Variants in SYTL2 observed in about 807,000 individuals in gnomAD.
SYTL2 encodes the protein synaptotagmin-like protein 2.
A neutral mutation model predicts 198.7 loss-of-function variants in SYTL2; 165 were observed. The observed-to-expected ratio is 0.83, with a 90% confidence interval of 0.73 to 0.94. The LOEUF is 0.94. SYTL2 is among the 40% of genes least tolerant of loss of function. The probability of loss-of-function intolerance (pLI) is 0.00; values close to 1 mark genes in which losing one functional copy is unlikely to be tolerated. For synonymous variants in SYTL2, 966 were observed against 917.7 expected, an observed-to-expected ratio of 1.05 and a Z score of -0.95; for missense variants, 2,835 against 2,582.8, an observed-to-expected ratio of 1.10 and a Z score of -2.12.
At chr11:85,779,052 A>G (rs1485596935) in intron 1 of SYTL2, among the ~76,000 whole-genome samples, 1 of 152,062 alleles carries the variant, frequency 6.6e-6, no homozygotes, top group Non-Finnish European at 1.5e-5. Context: ...TACTATATAT[A>G]TTATATAACA....
At chr11:85,835,744 T>C in the SYTL2 span, among the ~76,000 whole-genome samples, 2 of 152,212 alleles carry the variant, frequency 1.3e-5, no homozygotes, top group African/African-American at 2.4e-5. Flanking sequence ...ACTGCTTTCT[T>C]GTATTGGAGG....
chr11:85,704,743 A>T, intron 16 of SYTL2, 115 bp downstream of exon 16: 1 of 766,776 alleles, frequency 1.3e-6, no homozygotes, highest in Non-Finnish European at 2.0e-6. Context: ...CCTCTAGTTT[A>T]AAATTCTCCC....
chr11:85,761,792 G>T (rs2092102436), intron 1 of SYTL2, among the ~76,000 whole-genome samples: 1 of 152,152 alleles, frequency 6.6e-6, no homozygotes, highest in Admixed American at 6.5e-5. Flanking sequence ...CCAAGTAGCT[G>T]GGATTACAGG....
intron 2 of SYTL2, among the ~76,000 whole-genome samples, chr11:85,757,179 A>G (rs958255994): frequency 1.8e-4 from 28 of 152,208 alleles, no homozygotes; most frequent in Admixed American, 1.8e-3. Flanking sequence ...CAATTCCAAC[A>G]TTTCTGAAAG....
intron 18 of SYTL2, among the ~76,000 whole-genome samples, chr11:85,697,169 T>A (rs2083523691): frequency 6.6e-6 from 1 of 152,068 alleles, no homozygotes; most frequent in Non-Finnish European, 1.5e-5. Flanking sequence ...AAATCATAAA[T>A]AATATCATCT....
intron 15 of SYTL2, chr11:85,705,260 C>T (rs290196): frequency 0.69 from 276,986 of 403,976 alleles, 95,627 homozygotes; most frequent in East Asian, 0.71. Context: ...CAAACCAAGG[C>T]TCAGATATCA....
At chr11:85,719,037 C>A in intron 9 of SYTL2, 194 bp from the exon 10 acceptor site, 1 of 1,520,558 alleles carries the variant, frequency 6.6e-7, no homozygotes, top group East Asian at 2.5e-5. Flanking sequence ...CGGGAGCTCC[C>A]ATTTCAGCCC....
chr11:85,749,756 A>T (rs1286973815), intron 2 of SYTL2, among the ~76,000 whole-genome samples: 4 of 152,224 alleles, frequency 2.6e-5, no homozygotes, highest in Non-Finnish European at 5.9e-5. Flanking sequence ...TCAGCAGAGC[A>T]AACAACTGCT....
At chr11:85,791,975 C>A (rs937536458) in intron 1 of SYTL2, among the ~76,000 whole-genome samples, 22 of 152,058 alleles carry the variant, frequency 1.4e-4, no homozygotes, top group African/African-American at 4.1e-4. Context: ...ATGAGCTGAC[C>A]ATCTAGCTGA....
chr11:85,763,205 C>T (rs2092146538), intron 1 of SYTL2, among the ~76,000 whole-genome samples: 1 of 152,142 alleles, frequency 6.6e-6, no homozygotes. Flanking sequence ...GAATTCAGGA[C>T]ACCGCAGAGG....
chr11:85,785,449 A>G (rs955342547), intron 1 of SYTL2, among the ~76,000 whole-genome samples: 1 of 152,234 alleles, frequency 6.6e-6, no homozygotes, highest in Non-Finnish European at 1.5e-5. Context: ...TCTTCCTAAA[A>G]GTAAAAATCC....
intron 1 of SYTL2, among the ~76,000 whole-genome samples, chr11:85,758,987 G>C (rs2092001016): frequency 6.6e-6 from 1 of 152,212 alleles, no homozygotes; most frequent in African/African-American, 2.4e-5. Flanking sequence ...GTTCATGCCT[G>C]TAATCCTAGC....
At chr11:85,794,079 AG>A (rs1359745035) in intron 1 of SYTL2, among the ~76,000 whole-genome samples, 2 of 152,144 alleles carry the variant, frequency 1.3e-5, no homozygotes, top group Non-Finnish European at 2.9e-5. Context: ...TATGCTGCCC[AG>A]GCTGGTCTTG....
chr11:85,789,378 G>GTATA (rs71036488), intron 1 of SYTL2, among the ~76,000 whole-genome samples: 10 of 23,128 alleles, frequency 4.3e-4, no homozygotes, highest in South Asian at 3.9e-3. Context: ...ATATATATAT[G>GTATA]TATATATATA....
intron 6 of SYTL2, among the ~76,000 whole-genome samples, chr11:85,735,879 A>C (rs1168902776): frequency 1.3e-5 from 2 of 152,198 alleles, no homozygotes; most frequent in African/African-American, 4.8e-5. Context: ...CAGACAGGCT[A>C]ATTGAAAACC....
chr11:85,705,210 T>C (rs949050104), intron 15 of SYTL2, 182 bp from the exon 16 acceptor site: 8 of 479,390 alleles, frequency 1.7e-5, no homozygotes, highest in Non-Finnish European at 2.9e-5. Flanking sequence ...CTAAAATCCA[T>C]CTTTCATAAA....
At chr11:85,846,712 T>A in the SYTL2 span, among the ~76,000 whole-genome samples, 1 of 143,126 alleles carries the variant, frequency 7.0e-6, no homozygotes, top group Non-Finnish European at 1.5e-5. Context: ...CAGAGGTGAG[T>A]CACCACGCCC....
intron 1 of SYTL2, among the ~76,000 whole-genome samples, chr11:85,794,873 AT>A (rs200865268): frequency 2.6e-5 from 4 of 152,112 alleles, no homozygotes; most frequent in Admixed American, 6.6e-5. Flanking sequence ...TCCCTTCATC[AT>A]TTTTTTCTAA....
chr11:85,784,012 C>A (rs2092600991), intron 1 of SYTL2, among the ~76,000 whole-genome samples: 1 of 152,172 alleles, frequency 6.6e-6, no homozygotes, highest in Non-Finnish European at 1.5e-5. Flanking sequence ...GAGGTCTTTA[C>A]CTATCTGATG....
Sources: allele counts gnomAD v4.1 joint callset (sites outside exome capture counted in the v4.1 genomes callset), GRCh38; gene constraint gnomAD v4.1.1; transcripts MANE v1.5; gene names NCBI Gene and HGNC (gene_info 2026-07-23, HGNC 2026-07-21).